Variants in PRICKLE2 observed in about 807,000 individuals in gnomAD.
PRICKLE2 encodes prickle planar cell polarity protein 2, also known as prickle-like protein 2.
In PRICKLE2, 21 loss-of-function variants were observed where a neutral mutation model predicts 81.4. The observed-to-expected ratio is 0.26, with a 90% CI of 0.18 to 0.37. The LOEUF (loss-of-function observed/expected upper bound fraction) is 0.37, where lower values mean the gene tolerates loss of function less well. Among genes scored for constraint, PRICKLE2 ranks in the 10% least tolerant of loss-of-function variants. PRICKLE2 has a pLI of 1.00. For missense variants in PRICKLE2, 940 were observed against 1,109.0 expected (o/e 0.85, Z 2.16); for synonymous variants, 456 against 421.5 (o/e 1.08, Z -1.00).
intron 2 of PRICKLE2, among the ~76,000 whole-genome samples, chr3:64,177,673 C>A (rs1048697169): frequency 6.6e-6 from 1 of 152,162 alleles, no homozygotes; most frequent in South Asian, 2.1e-4. Context: ...ATGCAATATT[C>A]GTCCTTTGTG....
In PRICKLE2 at chr3:64,221,422, C is replaced by CAT. The variant is rs777346402; in HGVS notation, c.-41+3487_-41+3488insAT. Among the ~76,000 whole-genome samples the CAT allele has an allele frequency of 3.5e-3, 190 of 53,654 alleles. 2 individuals are homozygous for CAT. Among genetic ancestry groups the CAT allele is most frequent in the Non-Finnish European group, 1.9e-3 (51 of 27,140 alleles). 35.2% of individuals were successfully genotyped at this position (53,654 alleles called of 152,430 possible). On this transcript the variant is annotated intron_variant, in intron 1 of 7. Coordinates refer to ENST00000638394, the MANE Select transcript of PRICKLE2 (RefSeq NM_198859.4). ...GATCTTCACCCCTGCTTGATTCATA[C>CAT]ACACACACACACACACACACACACA...
At chr3:64,245,208 TA>T (rs1395516201) in intron 2 of PRICKLE2, among the ~76,000 whole-genome samples, 1 of 152,210 alleles carries the variant, frequency 6.6e-6, no homozygotes, top group East Asian at 1.9e-4. Flanking sequence ...TCCAATTCCT[TA>T]AAATGTCCTG....
intron 2 of PRICKLE2, among the ~76,000 whole-genome samples, chr3:64,233,368 T>C (rs1030685316): frequency 1.3e-5 from 2 of 152,228 alleles, no homozygotes; most frequent in Non-Finnish European, 2.9e-5. Context: ...CTGGTGATGC[T>C]GCTCATCTCA....
chr3:64,201,706 T>C (rs1575660279), intron 1 of PRICKLE2, among the ~76,000 whole-genome samples: 1 of 152,230 alleles, frequency 6.6e-6, no homozygotes, highest in East Asian at 1.9e-4. Flanking sequence ...TTTCACTTTC[T>C]TGATGACATC....
chr3:64,107,914 G>T (rs977224039), intron 7 of PRICKLE2, among the ~76,000 whole-genome samples: 1 of 152,268 alleles, frequency 6.6e-6, no homozygotes, highest in Non-Finnish European at 1.5e-5. Context: ...TACTGATGAC[G>T]TAGCTCCCTT....
At chr3:64,113,428 T>C (rs768837266) in intron 7 of PRICKLE2, among the ~76,000 whole-genome samples, 2 of 152,042 alleles carry the variant, frequency 1.3e-5, no homozygotes, top group Non-Finnish European at 2.9e-5. Flanking sequence ...CAGTCTTGGG[T>C]ACCTTGGGGG....
In PRICKLE2 at chr3:64,146,881, C is replaced by T; in HGVS notation, c.1609G>A (p.Glu537Lys). The change falls in exon 7 of 8, where the codon GAG becomes AAG. Residue 537 changes from glutamate (E) to lysine (K), a missense_variant. Glu to Lys is a moderately conservative substitution (Grantham distance 56, BLOSUM62 1). Transcript: ENST00000638394. ...TCCATGGAGCCCCGAGGGGTCTGCT[C>T]TGTGGGCGTCATGTCCTCTGTGTAT... ...LKYTEDMTPTEQTPRGSMESL... is the reference protein window; with the variant it reads ...LKYTEDMTPTKQTPRGSMESL... 1 of 1,614,178 alleles carries T rather than the reference C, an allele frequency of 6.2e-7. No homozygotes were observed. Among genetic ancestry groups the T allele is most frequent in the Non-Finnish European group, 8.5e-7 (1 of 1,180,030 alleles).
At chr3:64,136,875 A>G (rs188036431) in intron 7 of PRICKLE2, among the ~76,000 whole-genome samples, 23 of 152,354 alleles carry the variant, frequency 1.5e-4, no homozygotes, top group Admixed American at 7.8e-4. Context: ...AAAACTGCCT[A>G]TATGTCCAAT....
At chr3:64,224,027 A>C (rs940424500) in intron 1 of PRICKLE2, among the ~76,000 whole-genome samples, 1 of 152,224 alleles carries the variant, frequency 6.6e-6, no homozygotes, top group African/African-American at 2.4e-5. Flanking sequence ...GACTGTGCTC[A>C]TACATGCATT....
chr3:64,201,818 A>G (rs1342976053), intron 1 of PRICKLE2, among the ~76,000 whole-genome samples: 1 of 152,106 alleles, frequency 6.6e-6, no homozygotes, highest in East Asian at 1.9e-4. Flanking sequence ...TGCATAACTC[A>G]CGGTCATAAA....
At chr3:64,214,238 G>A (rs2078837088) in intron 1 of PRICKLE2, among the ~76,000 whole-genome samples, 1 of 152,126 alleles carries the variant, frequency 6.6e-6, no homozygotes, top group African/African-American at 2.4e-5. Flanking sequence ...AAGTGCTGGA[G>A]GGAAAAACTT....
rs1043336940 is a variant in PRICKLE2, at chr3:64,093,060, T to C, written c.*5991A>G. On this transcript the variant is annotated 3_prime_UTR_variant, in exon 8 of 8. Transcript: ENST00000638394. ...CCTTCAGTCCCTGACAACCAACCAC[T>C]CTTCTACATTCTGTCTCTATGAATT... 2 of 155,120 alleles carry C rather than the reference T, an allele frequency of 1.3e-5. No individual in the cohort carries two copies. The highest frequency in any genetic ancestry group is 4.8e-5 in the African/African-American group (2 of 41,522). 9.6% of individuals were successfully genotyped at this position (155,120 alleles called of 1,614,324 possible). A position where few individuals can be genotyped will look rare whatever the true frequency, so the allele number is the denominator to read the frequency against.
At chr3:64,215,636 C>T (rs932117919) in intron 1 of PRICKLE2, among the ~76,000 whole-genome samples, 1 of 152,044 alleles carries the variant, frequency 6.6e-6, no homozygotes, top group Non-Finnish European at 1.5e-5. Context: ...ATGTATATTG[C>T]TACAATGATG....
intron 1 of PRICKLE2, among the ~76,000 whole-genome samples, chr3:64,206,070 C>T (rs949466586): frequency 6.6e-6 from 1 of 152,114 alleles, no homozygotes; most frequent in African/African-American, 2.4e-5. Context: ...ATAAATAATT[C>T]CTAATCATGA....
At chr3:64,218,087 C>A (rs2078900113) in intron 1 of PRICKLE2, among the ~76,000 whole-genome samples, 1 of 152,002 alleles carries the variant, frequency 6.6e-6, no homozygotes, top group Non-Finnish European at 1.5e-5. Context: ...TTTACAAAAC[C>A]AAGACGGATA....
chr3:64,259,961 C>G (rs2107188690), intron 2 of PRICKLE2, among the ~76,000 whole-genome samples: 1 of 152,236 alleles, frequency 6.6e-6, no homozygotes, highest in South Asian at 2.1e-4. Context: ...AGGAAATGAA[C>G]ACTCTCCCTA....
intron 2 of PRICKLE2, among the ~76,000 whole-genome samples, chr3:64,194,714 C>T (rs990440494): frequency 1.2e-4 from 19 of 152,112 alleles, no homozygotes; most frequent in African/African-American, 2.4e-4. Context: ...CAAAGAGATA[C>T]GGTATACACT....
At chr3:64,234,000 T>A (rs1474541281) in intron 2 of PRICKLE2, among the ~76,000 whole-genome samples, 1 of 152,242 alleles carries the variant, frequency 6.6e-6, no homozygotes, top group Non-Finnish European at 1.5e-5. Context: ...TATATCAGAA[T>A]TTCATTCTTT....
At chr3:64,199,208 A>AAG (rs1459692727) in intron 1 of PRICKLE2, 1 of 595,792 alleles carries the variant, frequency 1.7e-6, no homozygotes, top group African/African-American at 1.9e-5. Context: ...AAGGGTGTTT[A>AAG]CATGTGGACC....
Sources: gnomAD v4.1 joint callset for allele counts (sites outside exome capture counted in the v4.1 genomes callset) on GRCh38, gnomAD v4.1.1 for gene constraint, MANE v1.5 for transcripts, NCBI Gene and HGNC (gene_info 2026-07-23, HGNC 2026-07-21) for gene names.